Variants in CEP290 observed in about 807,000 individuals in gnomAD.
The protein encoded by CEP290 is centrosomal protein 290, also known as centrosomal protein of 290 kDa.
CEP290 carries 317 observed loss-of-function variants against 344.9 expected under a neutral mutation model. That is an observed-to-expected ratio of 0.92 (90% confidence interval 0.84 to 1.01). The LOEUF is 1.01. Among genes scored for constraint, CEP290 ranks in the 50% least tolerant of loss-of-function variants. CEP290 has a pLI of 0.00. For synonymous variants in CEP290, 932 were observed against 895.8 expected (o/e 1.04, Z -0.72); for missense variants, 2,754 against 2,761.4 (o/e 1.00, Z 0.06).
intron 5 of CEP290, among the ~76,000 whole-genome samples, chr12:88,138,292 A>G (rs530262618): frequency 9.3e-4 from 141 of 152,222 alleles, no homozygotes; most frequent in African/African-American, 3.3e-3. Flanking sequence ...CAACTGTGCT[A>G]CCCTTCTATT....
chr12:88,071,845 C>G lies in CEP290; in HGVS notation c.5791G>C (p.Glu1931Gln), dbSNP rs752713026. ...KIEGIRNKLK[E>Q]KEGEVFTLTK... is the part of the protein sequence containing the mutation. Reference sequence around the variant, plus strand: ...AAAGTAAAGACTTCCCCCTCTTTCTCTTTTAACTTGTTTCGAATTCCTTCT... The same window carrying G: ...AAAGTAAAGACTTCCCCCTCTTTCTGTTTTAACTTGTTTCGAATTCCTTCT... Residue 1931 changes from glutamate (E) to glutamine (Q), a missense_variant, in exon 42 of 54, where the codon GAG becomes CAG. By Grantham distance (29) the Glu-to-Gln change is conservative (BLOSUM62 2). Coordinates refer to ENST00000552810, the MANE Select transcript of CEP290 (RefSeq NM_025114.4). The G allele has an allele frequency of 6.2e-7, 1 of 1,605,658 alleles. No individual in the cohort carries two copies. The highest frequency in any genetic ancestry group is 8.5e-7 in the Non-Finnish European group (1 of 1,176,800).
chr12:88,097,042 C>T, intron 26 of CEP290, 43 bp from the exon 27 acceptor site: 1 of 924,672 alleles, frequency 1.1e-6, no homozygotes, highest in Non-Finnish European at 1.7e-6. Flanking sequence ...CATTGTAATT[C>T]AGACCAATAC....
At chr12:88,097,131 C>T (rs955129155) in intron 26 of CEP290, 132 bp from the exon 27 acceptor site, 1 of 598,786 alleles carries the variant, frequency 1.7e-6, no homozygotes, top group South Asian at 2.0e-5. Flanking sequence ...TTAGAATTTC[C>T]TCCATATATA....
At chr12:88,102,160 AG>A (rs2037938485) in intron 26 of CEP290, among the ~76,000 whole-genome samples, 1 of 152,210 alleles carries the variant, frequency 6.6e-6, no homozygotes, top group African/African-American at 2.4e-5. Context: ...CCTCAGTAAA[AG>A]GTATAGAGTT....
At position 88,058,957 on chromosome 12, in the gene CEP290, T is replaced by A; in HGVS notation, c.6709A>T (p.Met2237Leu). The A allele has an allele frequency of 6.2e-7, 1 of 1,613,640 alleles. No homozygotes were observed. The highest frequency in any genetic ancestry group is 8.5e-7 in the Non-Finnish European group (1 of 1,179,684). The stretch of plus-strand genomic sequence containing the variant: ...CCAGTCTCTTCTAGTTGAACTGTCA[T>A]CTTCTCATTTAATATCTCTAAATTA... The part of the protein sequence containing the change: ...KNNLEILNEK[M>L]TVQLEETGKR... The change falls in exon 49 of 54, where the codon ATG becomes TTG. Residue 2237 changes from methionine to leucine, a missense_variant. Transcript: ENST00000552810.
intron 18 of CEP290, among the ~76,000 whole-genome samples, chr12:88,116,340 A>C: frequency 6.6e-6 from 1 of 152,174 alleles, no homozygotes; most frequent in East Asian, 1.9e-4. Flanking sequence ...ATTCTCTTTA[A>C]CTTGCATGGA....
chr12:88,121,718 A>G lies in CEP290; in HGVS notation c.1190-552T>C, dbSNP rs140081714. Reference sequence around the variant, plus strand: ...ATGGATATGAGGGTGGCAACTTCACATGAGTTAGAAACCACATGTTGAGAT... The same window carrying G: ...ATGGATATGAGGGTGGCAACTTCACGTGAGTTAGAAACCACATGTTGAGAT... On this transcript the variant is annotated intron_variant, in intron 13 of 53. Coordinates refer to ENST00000552810, the MANE Select transcript of CEP290 (RefSeq NM_025114.4). Among the ~76,000 whole-genome samples, 52 of 152,224 alleles carry G rather than the reference A, an allele frequency of 3.4e-4. No individual in the cohort carries two copies. The East Asian group carries it at 7.9e-3, about 23-fold the overall frequency.
At chr12:88,126,665 TTA>T (rs1374311176) in intron 11 of CEP290, among the ~76,000 whole-genome samples, 2 of 152,084 alleles carry the variant, frequency 1.3e-5, no homozygotes, top group East Asian at 1.9e-4. Context: ...TTTTCTTTTT[TTA>T]TAATTCAATC....
intron 49 of CEP290, among the ~76,000 whole-genome samples, chr12:88,056,724 T>A (rs1343767467): frequency 6.6e-6 from 1 of 152,192 alleles, no homozygotes; most frequent in Non-Finnish European, 1.5e-5. Context: ...ATAGAATACG[T>A]GTTACTAAGT....
intron 6 of CEP290, chr12:88,136,155 C>CAT (rs146107815): frequency 2.7e-3 from 415 of 151,268 alleles, no homozygotes; most frequent in Middle Eastern, 6.9e-3. Context: ...AAAAACTATA[C>CAT]ATATATATAT....
chr12:88,091,479 C>T (rs921264871), intron 29 of CEP290, among the ~76,000 whole-genome samples: 5 of 150,618 alleles, frequency 3.3e-5, no homozygotes, highest in Non-Finnish European at 7.4e-5. Flanking sequence ...TAAGCTAATA[C>T]AGGCAAAGCA....
rs764578304 is a variant in CEP290, at chr12:88,086,214, C to T, written c.4303-41G>A. ...ATGTTTTTTAAAAAAGCAGTTGCAG[C>T]ATTGAGAGTAACTATTAATTTTTAC... On this transcript the variant is annotated intron_variant, in intron 33 of 53. Transcript: ENST00000552810. 2.1e-5 allele frequency: 33 copies of T among 1,594,342 alleles called. No homozygotes were observed. The Middle Eastern group carries it at 5.0e-4, about 24-fold the overall frequency.
intron 44 of CEP290, among the ~76,000 whole-genome samples, chr12:88,066,318 T>C (rs1165712874): frequency 1.3e-5 from 2 of 152,188 alleles, no homozygotes; most frequent in East Asian, 3.8e-4. Context: ...TTGTTTTTGT[T>C]TGAGACAGTC....
chr12:88,132,368 G>T (rs1012980269), intron 6 of CEP290, among the ~76,000 whole-genome samples: 1 of 152,182 alleles, frequency 6.6e-6, no homozygotes, highest in Non-Finnish European at 1.5e-5. Context: ...ATCCTTGACA[G>T]AACTTTGGAT....
chr12:88,138,499 C>T (rs1479725252), intron 5 of CEP290, among the ~76,000 whole-genome samples: 1 of 152,186 alleles, frequency 6.6e-6, no homozygotes, highest in Non-Finnish European at 1.5e-5. Flanking sequence ...AGATCCCCAA[C>T]TCTCCAGTCC....
At chr12:88,139,703 G>T in intron 3 of CEP290, 139 bp from the exon 4 acceptor site, 1 of 593,738 alleles carries the variant, frequency 1.7e-6, no homozygotes, top group South Asian at 6.1e-5. Context: ...AATATTTGCT[G>T]AATAAATAGT....
chr12:88,121,828 G>A (rs1207637647), intron 13 of CEP290, among the ~76,000 whole-genome samples: 4 of 151,868 alleles, frequency 2.6e-5, no homozygotes, highest in African/African-American at 7.3e-5. Context: ...CTTCAACTTT[G>A]TCTATATTAT....
At chr12:88,117,228 T>G in intron 17 of CEP290, 83 bp from the exon 18 acceptor site, 1 of 679,160 alleles carries the variant, frequency 1.5e-6, no homozygotes, top group Non-Finnish European at 2.4e-6. Flanking sequence ...AAACCTACAA[T>G]CAAGTTTTAA....
chr12:88,079,210 A>G lies in CEP290; in HGVS notation c.5246T>C (p.Leu1749Ser). 6.3e-7 allele frequency: 1 copy of G among 1,594,288 alleles called. No homozygotes were observed. The highest frequency in any genetic ancestry group is 8.5e-7 in the Non-Finnish European group (1 of 1,173,622). ...KQQKALSRALLELRAEMTAAA... is the reference protein window; with the variant it reads ...KQQKALSRALSELRAEMTAAA... ...TGCTGTCATTTCTGCCCGGAGTTCT[A>G]AAAGTGCCCGACTAAGTGCCTAAAA... Residue 1749 changes from leucine to serine, a missense_variant, in exon 39 of 54, where the codon TTA becomes TCA. Coordinates refer to ENST00000552810, the MANE Select transcript of CEP290 (RefSeq NM_025114.4).
Sources: gnomAD v4.1 joint callset for allele counts (sites outside exome capture counted in the v4.1 genomes callset) on GRCh38, gnomAD v4.1.1 for gene constraint, MANE v1.5 for transcripts, NCBI Gene and HGNC (gene_info 2026-07-23, HGNC 2026-07-21) for gene names.